The following ADARB2 variants were observed in gnomAD, a reference collection of about 807,000 sequenced individuals.
The protein encoded by ADARB2 is adenosine deaminase RNA specific B2 (inactive).
ADARB2 carries 25 observed loss-of-function variants against 62.2 expected under a neutral mutation model. The ratio of observed to expected loss-of-function variants is 0.40; its 90% CI spans 0.29 to 0.56. ADARB2 has a LOEUF of 0.56. ADARB2 is among the 20% of genes least tolerant of loss of function. The probability of loss-of-function intolerance (pLI) is 0.43; values close to 1 mark genes in which losing one functional copy is unlikely to be tolerated. For synonymous variants in ADARB2, 572 were observed against 500.8 expected (o/e 1.14, Z -1.90); for missense variants, 1,071 against 1,077.4 (o/e 0.99, Z 0.08).
At chr10:1,469,163 T>C (rs1831291988) in intron 1 of ADARB2, among the ~76,000 whole-genome samples, 1 of 152,188 alleles carries the variant, frequency 6.6e-6, no homozygotes, top group African/African-American at 2.4e-5. Flanking sequence ...CTATTAGAGA[T>C]GGGAACGTTG....
chr10:1,703,171 G>A (rs1297192851), intron 1 of ADARB2, among the ~76,000 whole-genome samples: 2 of 152,078 alleles, frequency 1.3e-5, no homozygotes, highest in Admixed American at 1.3e-4. Context: ...CAATTAAAAG[G>A]AAAAAAGGAT....
chr10:1,226,957 G>T (rs929433997), intron 6 of ADARB2, among the ~76,000 whole-genome samples: 4 of 152,254 alleles, frequency 2.6e-5, no homozygotes, highest in Non-Finnish European at 4.4e-5. Flanking sequence ...AGTCTGCAGA[G>T]GTTACTGCTG....
intron 1 of ADARB2, among the ~76,000 whole-genome samples, chr10:1,545,935 C>A (rs375302135): frequency 6.6e-6 from 1 of 152,158 alleles, no homozygotes; most frequent in Non-Finnish European, 1.5e-5. Flanking sequence ...AGAAATGGAC[C>A]CTTCTGGTCT....
At chr10:1,275,955 C>T (rs527798306) in intron 3 of ADARB2, among the ~76,000 whole-genome samples, 236 of 151,948 alleles carry the variant, frequency 1.6e-3, no homozygotes, top group African/African-American at 5.5e-3. Flanking sequence ...TGAATAGTGC[C>T]GCAATAAACA....
chr10:1,179,488 G>C lies in ADARB2; in HGVS notation c.*3705C>G, dbSNP rs1051694947. The C allele has an allele frequency of 2.0e-5, 3 of 152,244 alleles. No homozygotes were observed. The highest frequency in any genetic ancestry group is 4.4e-5 in the Non-Finnish European group (3 of 68,052). The allele number at this position is 152,244 out of a possible 1,614,324, so 9.4% of individuals were successfully genotyped here. Reference sequence around the variant, plus strand: ...AACTCTATCCCTTGATATCACACACGGCTGCAAAACCGGGGCTGGAGGTGG... The same window carrying C: ...AACTCTATCCCTTGATATCACACACCGCTGCAAAACCGGGGCTGGAGGTGG... On this transcript the variant is annotated 3_prime_UTR_variant, in exon 10 of 10. Transcript: ENST00000381312.
At chr10:1,263,657 TCTC>T (rs1220916454) in intron 4 of ADARB2, among the ~76,000 whole-genome samples, 1 of 152,184 alleles carries the variant, frequency 6.6e-6, no homozygotes, top group Non-Finnish European at 1.5e-5. Context: ...ATATTTATTT[TCTC>T]CTCCATTTCT....
At chr10:1,214,076 G>A (rs1414690834) in intron 7 of ADARB2, among the ~76,000 whole-genome samples, 1 of 145,096 alleles carries the variant, frequency 6.9e-6, no homozygotes, top group Non-Finnish European at 1.5e-5. Context: ...GTGACACATA[G>A]GTTTGCACCT....
intron 2 of ADARB2, among the ~76,000 whole-genome samples, chr10:1,370,016 T>G (rs1374297498): frequency 6.6e-6 from 1 of 152,182 alleles, no homozygotes; most frequent in East Asian, 1.9e-4. Context: ...ATGGAGACAG[T>G]GCGTGTAACA....
intron 3 of ADARB2, among the ~76,000 whole-genome samples, chr10:1,304,384 A>G (rs1180712931): frequency 6.7e-6 from 1 of 150,182 alleles, no homozygotes; most frequent in Non-Finnish European, 1.5e-5. Context: ...GCAAGTCCTG[A>G]GTGACCTACA....
At chr10:1,305,395 T>C (rs1019512196) in intron 3 of ADARB2, among the ~76,000 whole-genome samples, 26 of 151,896 alleles carry the variant, frequency 1.7e-4, no homozygotes, top group African/African-American at 5.8e-4. Context: ...GGATCTGAAA[T>C]TGGGGCAATA....
chr10:1,658,548 TTC>T (rs1022686472), intron 1 of ADARB2, among the ~76,000 whole-genome samples: 1 of 152,162 alleles, frequency 6.6e-6, no homozygotes, highest in Non-Finnish European at 1.5e-5. Flanking sequence ...CTGTCTCTGA[TTC>T]TCTCTGTCTC....
At chr10:1,310,216 G>C (rs1180790795) in intron 3 of ADARB2, among the ~76,000 whole-genome samples, 3 of 152,210 alleles carry the variant, frequency 2.0e-5, no homozygotes, top group Admixed American at 1.3e-4. Flanking sequence ...GAAGGTGTTT[G>C]CATTTACGCA....
At chr10:1,690,267 A>G (rs1409646570) in intron 1 of ADARB2, among the ~76,000 whole-genome samples, 1 of 152,270 alleles carries the variant, frequency 6.6e-6, no homozygotes, top group Non-Finnish European at 1.5e-5. Context: ...ACACAGTACC[A>G]GAAAGTATTG....
chr10:1,463,378 G>T (rs17156353), intron 1 of ADARB2, among the ~76,000 whole-genome samples: 6 of 152,094 alleles, frequency 3.9e-5, no homozygotes. Flanking sequence ...AGAAACCTCC[G>T]TGTGTCGTTG....
At chr10:1,439,563 C>T (rs368334896) in intron 1 of ADARB2, among the ~76,000 whole-genome samples, 162 of 82,346 alleles carry the variant, frequency 2.0e-3, no homozygotes, top group South Asian at 6.1e-3. Flanking sequence ...GGAGGCAGGT[C>T]CTTCACTATG....
intron 1 of ADARB2, among the ~76,000 whole-genome samples, chr10:1,402,793 T>C (rs1217791168): frequency 2.6e-5 from 4 of 151,974 alleles, no homozygotes; most frequent in Non-Finnish European, 5.9e-5. Context: ...AAACCTACTC[T>C]CCTGGCAAAA....
intron 7 of ADARB2, among the ~76,000 whole-genome samples, chr10:1,204,776 A>G (rs760076589): frequency 2.0e-5 from 3 of 152,188 alleles, no homozygotes; most frequent in Non-Finnish European, 4.4e-5. Context: ...CTGTGGTTTA[A>G]ATCTCCTGGC....
chr10:1,216,778 G>A (rs72762906), intron 7 of ADARB2, 173 bp downstream of exon 7: 22,302 of 891,638 alleles, frequency 0.025, 387 homozygotes, highest in Non-Finnish European at 0.032. Context: ...TGGCCTCAGG[G>A]TGTGGGACTG....
At chr10:1,628,932 C>T (rs535090811) in intron 1 of ADARB2, among the ~76,000 whole-genome samples, 6 of 152,322 alleles carry the variant, frequency 3.9e-5, no homozygotes, top group East Asian at 1.9e-4. Flanking sequence ...GACTCAAGAT[C>T]GGTCTGTGCT....
Sources: allele counts gnomAD v4.1 joint callset (sites outside exome capture counted in the v4.1 genomes callset), GRCh38; gene constraint gnomAD v4.1.1; transcripts MANE v1.5; gene names NCBI Gene and HGNC (gene_info 2026-07-23, HGNC 2026-07-21).